The following CUL1 variants were observed in gnomAD, a reference collection of about 807,000 sequenced individuals.
CUL1 encodes the protein cullin-1.
A neutral mutation model predicts 118.0 loss-of-function variants in CUL1; 24 were observed. The ratio of observed to expected loss-of-function variants is 0.20; its 90% CI spans 0.15 to 0.29. The LOEUF is 0.29. Ranked by LOEUF, CUL1 falls within the 10% of genes least tolerant of loss-of-function variation. CUL1 has a pLI of 1.00. For synonymous variants in CUL1, 332 were observed against 340.4 expected (o/e 0.98, Z 0.27); for missense variants, 361 against 933.8 (o/e 0.39, Z 7.99).
intron 9 of CUL1, among the ~76,000 whole-genome samples, chr7:148,774,401 T>C (rs1401285613): frequency 6.6e-6 from 1 of 152,208 alleles, no homozygotes; most frequent in Non-Finnish European, 1.5e-5. Context: ...TTTGATAGTT[T>C]TCCATGACAC....
chr7:148,784,937 A>G (rs1352732935), intron 11 of CUL1, among the ~76,000 whole-genome samples: 1 of 152,222 alleles, frequency 6.6e-6, no homozygotes, highest in Non-Finnish European at 1.5e-5. Context: ...TTCCCAGTGA[A>G]CTAAATAATA....
At chr7:148,703,322 T>A (rs1797776136) in intron 1 of CUL1, among the ~76,000 whole-genome samples, 1 of 152,126 alleles carries the variant, frequency 6.6e-6, no homozygotes, top group Admixed American at 6.5e-5. Flanking sequence ...TTCTGGAACT[T>A]TGGGGCTATT....
intron 21 of CUL1, 37 bp downstream of exon 21, chr7:148,799,425 A>G: frequency 1.5e-6 from 2 of 1,371,292 alleles, no homozygotes; most frequent in Non-Finnish European, 2.1e-6. Context: ...TTCCTTTCTT[A>G]ATTTAGAAGA....
chr7:148,753,015 G>A (rs899963522), intron 2 of CUL1, among the ~76,000 whole-genome samples: 22 of 152,204 alleles, frequency 1.4e-4, no homozygotes, highest in African/African-American at 4.3e-4. Flanking sequence ...ACAGATAAGC[G>A]TTCACATATA....
chr7:148,799,733 T>G (rs115698788), intron 21 of CUL1, among the ~76,000 whole-genome samples: 1,866 of 152,290 alleles, frequency 0.012, 35 homozygotes, highest in African/African-American at 0.042. Context: ...TAAAACAGTT[T>G]TGCCTGCTTT....
chr7:148,800,373 G>T lies in CUL1; in HGVS notation c.2251-129G>T. 1 of 698,354 alleles carries T rather than the reference G, an allele frequency of 1.4e-6. No homozygotes were observed. 43.3% of individuals were successfully genotyped at this position (698,354 alleles called of 1,614,324 possible). A position where few individuals can be genotyped will look rare whatever the true frequency, so the allele number is the denominator to read the frequency against. On this transcript the variant is annotated intron_variant, in intron 21 of 21. Transcript: ENST00000325222. The surrounding 1 kb of genome is among the most constrained non-coding windows in gnomAD (Gnocchi z 4.6). ...ACTCTATGCTAACAGATCTGGGGCG[G>T]GGACACTGCTCCCCACTGAGCTCCG...
chr7:148,755,366 A>G (rs982583726), intron 3 of CUL1, among the ~76,000 whole-genome samples: 1 of 152,210 alleles, frequency 6.6e-6, no homozygotes, highest in Non-Finnish European at 1.5e-5. Context: ...CTGTGTATAT[A>G]TTTTAAATAT....
At chr7:148,741,940 G>A (rs911146070) in intron 2 of CUL1, among the ~76,000 whole-genome samples, 6 of 152,208 alleles carry the variant, frequency 3.9e-5, no homozygotes, top group Non-Finnish European at 8.8e-5. Flanking sequence ...GTATCTCATT[G>A]TGGTTTTGAT....
At chr7:148,783,447 T>TAAAC in intron 9 of CUL1, 1 of 985,496 alleles carries the variant, frequency 1.0e-6, no homozygotes, top group Admixed American at 6.1e-5. Flanking sequence ...AGAGTTCCAC[T>TAAAC]GTTTAACAAG....
At chr7:148,698,345 G>C (rs1384186316), upstream of CUL1, 3 of 152,552 alleles carry the variant, frequency 2.0e-5, no homozygotes, top group African/African-American at 7.2e-5. Context: ...TCTTCGGGGT[G>C]CTTCGGGCCG....
At chr7:148,782,107 G>C (rs537966023) in intron 9 of CUL1, among the ~76,000 whole-genome samples, 1 of 152,280 alleles carries the variant, frequency 6.6e-6, no homozygotes, top group Non-Finnish European at 1.5e-5. Flanking sequence ...TGTAAATACT[G>C]TAACAGAAGG....
At chr7:148,766,839 G>T (rs1800021943) in intron 8 of CUL1, 116 bp downstream of exon 8, 1 of 903,420 alleles carries the variant, frequency 1.1e-6, no homozygotes. Flanking sequence ...GTTTTAAAAA[G>T]ATGCATGTGT....
chr7:148,731,008 T>C (rs1798745779), intron 2 of CUL1, among the ~76,000 whole-genome samples: 1 of 151,876 alleles, frequency 6.6e-6, no homozygotes, highest in South Asian at 2.1e-4. Flanking sequence ...AGAGACAGAG[T>C]CTTGCTATGT....
intron 1 of CUL1, among the ~76,000 whole-genome samples, chr7:148,724,718 T>C (rs1798505185): frequency 1.3e-5 from 2 of 152,194 alleles, no homozygotes; most frequent in Admixed American, 6.5e-5. Flanking sequence ...AGGTGGCACA[T>C]CTGCAGGGTA....
chr7:148,752,845 G>A (rs978530736), intron 2 of CUL1, among the ~76,000 whole-genome samples: 7 of 152,178 alleles, frequency 4.6e-5, no homozygotes, highest in African/African-American at 1.7e-4. Context: ...GTAGAGATGG[G>A]GTTTCACCGT....
At chr7:148,714,529 A>T (rs1563147713) in intron 1 of CUL1, among the ~76,000 whole-genome samples, 1 of 152,214 alleles carries the variant, frequency 6.6e-6, no homozygotes, top group African/African-American at 2.4e-5. Flanking sequence ...AAACTTAAAA[A>T]TGAATGAACA....
intron 1 of CUL1, among the ~76,000 whole-genome samples, chr7:148,709,187 G>A (rs1165175603): frequency 3.3e-5 from 5 of 152,152 alleles, no homozygotes; most frequent in South Asian, 2.1e-4. Context: ...TACTTTCCCC[G>A]CCAAAAATGC....
At chr7:148,713,971 C>T (rs112382356) in intron 1 of CUL1, among the ~76,000 whole-genome samples, 5 of 152,126 alleles carry the variant, frequency 3.3e-5, no homozygotes, top group South Asian at 2.1e-4. Flanking sequence ...CCACCTGCCT[C>T]GGCCTCCCAA....
At chr7:148,719,320 A>AG (rs1394322425) in intron 1 of CUL1, among the ~76,000 whole-genome samples, 2 of 152,116 alleles carry the variant, frequency 1.3e-5, no homozygotes, top group South Asian at 2.1e-4. Flanking sequence ...AAAAAAAAAA[A>AG]TAAAATAACT....
Sources: allele counts gnomAD v4.1 joint callset (sites outside exome capture counted in the v4.1 genomes callset), GRCh38; gene constraint gnomAD v4.1.1; non-coding constraint Gnocchi (gnomAD v3.1); transcripts MANE v1.5; gene names NCBI Gene and HGNC (gene_info 2026-07-23, HGNC 2026-07-21).